Variants in PTPRK observed in about 807,000 individuals in gnomAD.
The protein encoded by PTPRK is protein tyrosine phosphatase receptor type K, also known as receptor-type tyrosine-protein phosphatase kappa.
A neutral mutation model predicts 178.0 loss-of-function variants in PTPRK; 75 were observed. The observed-to-expected ratio is 0.42, with a 90% CI of 0.35 to 0.51. The LOEUF is 0.51. PTPRK is among the 20% of genes least tolerant of loss of function. The pLI is 0.02. For synonymous variants in PTPRK, 637 were observed against 620.6 expected, an observed-to-expected ratio of 1.03 and a Z score of -0.39; for missense variants, 1,441 against 1,797.8, an observed-to-expected ratio of 0.80 and a Z score of 3.59.
At chr6:128,478,797 A>G (rs751114028) in intron 1 of PTPRK, among the ~76,000 whole-genome samples, 4 of 152,156 alleles carry the variant, frequency 2.6e-5, no homozygotes, top group Non-Finnish European at 5.9e-5. Context: ...ACAGGCAAAT[A>G]AAGAAGCATC....
chr6:128,438,202 A>AAAC (rs1454679853), intron 1 of PTPRK, among the ~76,000 whole-genome samples: 3 of 152,208 alleles, frequency 2.0e-5, no homozygotes, highest in African/African-American at 7.2e-5. Flanking sequence ...TCTCAAAGAG[A>AAAC]GTCTTGCCTG....
In PTPRK at chr6:127,991,320, C is replaced by T. The variant is rs1482196311; in HGVS notation, c.2953G>A (p.Val985Ile). The part of the protein sequence containing the change: ...WQEQSACIVM[V>I]TNLVEVGRVK... Reference sequence around the variant, plus strand: ...CGGCCAACCTCAACTAAATTTGTAACCATCACAATGCAAGCAGATTGTTCT... The same window carrying T: ...CGGCCAACCTCAACTAAATTTGTAATCATCACAATGCAAGCAGATTGTTCT... The change falls in exon 20 of 30, where the codon GTT becomes ATT. Residue 985 changes from valine (V) to isoleucine (I), a missense_variant. By Grantham distance (29) the Val-to-Ile change is conservative. Coordinates refer to ENST00000368226, the MANE Select transcript of PTPRK (RefSeq NM_002844.4). 2 of 1,596,344 alleles carry T rather than the reference C, an allele frequency of 1.3e-6. No homozygotes were observed. Among genetic ancestry groups the T allele is most frequent in the Non-Finnish European group, 1.7e-6 (2 of 1,172,022 alleles).
At chr6:128,060,616 T>A (rs996328326) in intron 13 of PTPRK, among the ~76,000 whole-genome samples, 3 of 152,120 alleles carry the variant, frequency 2.0e-5, no homozygotes, top group Admixed American at 2.0e-4. Context: ...GTGATTACAA[T>A]GAAAAGACAA....
At chr6:128,055,169 A>C (rs1779685349) in intron 13 of PTPRK, among the ~76,000 whole-genome samples, 1 of 152,224 alleles carries the variant, frequency 6.6e-6, no homozygotes, top group African/African-American at 2.4e-5. Flanking sequence ...ATCTTTAGAA[A>C]ACTGAAAAGT....
At chr6:128,049,706 G>A (rs545294227) in intron 13 of PTPRK, among the ~76,000 whole-genome samples, 1 of 152,058 alleles carries the variant, frequency 6.6e-6, no homozygotes, top group Non-Finnish European at 1.5e-5. Context: ...TACTTGTTAC[G>A]ATAGTTTCCT....
intron 5 of PTPRK, among the ~76,000 whole-genome samples, chr6:128,223,202 A>G (rs2128274714): frequency 6.6e-6 from 1 of 152,014 alleles, no homozygotes; most frequent in South Asian, 2.1e-4. Flanking sequence ...ATCTTTATTT[A>G]GCGGGTGGCT....
chr6:128,452,589 T>G (rs1447188881), intron 1 of PTPRK, among the ~76,000 whole-genome samples: 1 of 152,128 alleles, frequency 6.6e-6, no homozygotes, highest in African/African-American at 2.4e-5. Context: ...TACTGAGTGC[T>G]CATTTCCAAA....
intron 3 of PTPRK, among the ~76,000 whole-genome samples, chr6:128,259,223 G>A (rs998055676): frequency 3.3e-5 from 5 of 152,044 alleles, no homozygotes; most frequent in Admixed American, 2.6e-4. Flanking sequence ...ATAGTTCCAG[G>A]CTCCACCCTA....
At chr6:128,354,366 T>C (rs1833675943) in intron 2 of PTPRK, among the ~76,000 whole-genome samples, 1 of 148,370 alleles carries the variant, frequency 6.7e-6, no homozygotes, top group South Asian at 2.2e-4. Flanking sequence ...GCCTCCTAAG[T>C]AGCTGGGACT....
At chr6:128,273,477 T>G (rs1262106400) in intron 3 of PTPRK, among the ~76,000 whole-genome samples, 2 of 152,206 alleles carry the variant, frequency 1.3e-5, no homozygotes, top group African/African-American at 4.8e-5. Context: ...TCTATCCTCC[T>G]TCCTATGTAA....
chr6:128,499,262 C>T (rs570721389), intron 1 of PTPRK, among the ~76,000 whole-genome samples: 8 of 152,174 alleles, frequency 5.3e-5, no homozygotes, highest in Non-Finnish European at 1.2e-4. Flanking sequence ...AGTGAAAACA[C>T]TGAACTGTAA....
intron 1 of PTPRK, 125 bp downstream of exon 1, chr6:128,520,134 G>T (rs868464471): frequency 4.9e-6 from 4 of 816,016 alleles, no homozygotes; most frequent in Non-Finnish European, 7.5e-6. Flanking sequence ...TCTACCCTGT[G>T]TTCCCCACCC....
chr6:128,460,584 G>T (rs1366772339), intron 1 of PTPRK, among the ~76,000 whole-genome samples: 1 of 152,064 alleles, frequency 6.6e-6, no homozygotes, highest in East Asian at 1.9e-4. Context: ...TCCAAAAGAA[G>T]TAATCATTAA....
chr6:128,138,877 A>G (rs1201667775), intron 7 of PTPRK, among the ~76,000 whole-genome samples: 1 of 152,060 alleles, frequency 6.6e-6, no homozygotes, highest in African/African-American at 2.4e-5. Context: ...CTCTCTGCAG[A>G]CAGCACTACT....
rs1790014802 is a variant in PTPRK at position 128,108,069 on chromosome 6, A to AC, written c.1163-18078_1163-18077insG. On this transcript the variant is annotated intron_variant, in intron 7 of 29. Coordinates refer to ENST00000368226, the MANE Select transcript of PTPRK (RefSeq NM_002844.4). ...AACAAACCAAATCCCTAAATAGCAA[A>AC]ACACACACACACACACACACACACA... 1.7e-3 allele frequency among the ~76,000 whole-genome samples: 234 copies of AC among 133,860 alleles called. 2 individuals carry two copies. The East Asian group carries it at 0.023, about 13-fold the overall frequency. The allele number at this position is 133,860 out of a possible 152,430, so 87.8% of individuals were successfully genotyped here. A position where few individuals can be genotyped will look rare whatever the true frequency, so the allele number is the denominator to read the frequency against.
At chr6:128,491,924 C>A in intron 1 of PTPRK, 1 of 450,638 alleles carries the variant, frequency 2.2e-6, no homozygotes, top group East Asian at 6.9e-5. Context: ...TGAAACTTCC[C>A]CTGGGAATTG....
At position 127,981,032 on chromosome 6, in the gene PTPRK, C is replaced by T. The variant is rs1398280187; in HGVS notation, c.3711+84G>A. 5.5e-6 allele frequency: 7 copies of T among 1,268,194 alleles called. No homozygotes were observed. The East Asian group carries it at 7.4e-5, about 13-fold the overall frequency. The allele number at this position is 1,268,194 out of a possible 1,614,324, so 78.6% of individuals were successfully genotyped here. On this transcript the variant is annotated intron_variant, in intron 25 of 29. Transcript: ENST00000368226. ...TTCCTTTTTAGGTTATTTTAATTTC[C>T]TCGAAAAGAAAACTAGCCAGTGTTC... is the stretch of plus-strand genomic sequence containing the variant.
chr6:128,337,027 G>C (rs1368807536), intron 2 of PTPRK, among the ~76,000 whole-genome samples: 1 of 152,084 alleles, frequency 6.6e-6, no homozygotes, highest in Non-Finnish European at 1.5e-5. Context: ...AACAGTTCAT[G>C]GTTCATAATA....
chr6:128,245,188 A>G (rs1366770530), intron 3 of PTPRK, among the ~76,000 whole-genome samples: 2 of 152,186 alleles, frequency 1.3e-5, no homozygotes, highest in Non-Finnish European at 2.9e-5. Flanking sequence ...AAAGCTAACA[A>G]GTGGTGAAGC....
Sources: allele counts gnomAD v4.1 joint callset (sites outside exome capture counted in the v4.1 genomes callset), GRCh38; gene constraint gnomAD v4.1.1; transcripts MANE v1.5; gene names NCBI Gene and HGNC (gene_info 2026-07-23, HGNC 2026-07-21).